RPSA2: variants seen among roughly 807,000 people sequenced by gnomAD.
The protein encoded by RPSA2 is ribosomal protein SA 2, also known as small ribosomal subunit protein uS2B.
the RPSA2 span, among the ~76,000 whole-genome samples, chr19:23,833,625 A>G: frequency 1.3e-5 from 2 of 152,158 alleles, no homozygotes; most frequent in African/African-American, 4.8e-5. Context: ...ATAAGCATTT[A>G]TACTTGAGAA....
At chr19:23,761,906 T>TCTCTCTCTCTCTCTCTCTC in the RPSA2 span, among the ~76,000 whole-genome samples, 297 of 92,120 alleles carry the variant, frequency 3.2e-3, 60 homozygotes, top group Non-Finnish European at 3.7e-3. Flanking sequence ...ACGTAATTCT[T>TCTCTCTCTCTCTCTCTCTC]TCTTTCTTTC....
chr19:23,781,525 G>C, the RPSA2 span, among the ~76,000 whole-genome samples: 3 of 151,308 alleles, frequency 2.0e-5, no homozygotes, highest in African/African-American at 7.3e-5. Context: ...TTTTAGTAGA[G>C]ATGGGGTTTC....
the RPSA2 span, chr19:23,808,676 A>C: frequency 1.8e-6 from 1 of 542,730 alleles, no homozygotes; most frequent in South Asian, 1.6e-5. Flanking sequence ...TGGTAATTGG[A>C]GAATATGAGC....
chr19:23,761,930 TTTTTTGAGATGGAG>T, the RPSA2 span, among the ~76,000 whole-genome samples: 16 of 127,386 alleles, frequency 1.3e-4, no homozygotes, highest in South Asian at 5.4e-4. Flanking sequence ...CTTTTTTTTT[TTTTTTGAGATGGAG>T]TCTTGCTCTA....
the RPSA2 span, among the ~76,000 whole-genome samples, chr19:23,852,828 A>T: frequency 6.6e-6 from 1 of 152,218 alleles, no homozygotes; most frequent in Non-Finnish European, 1.5e-5. Flanking sequence ...GTTTTCAAAG[A>T]ATCTCTCCTA....
chr19:23,791,282 G>C, the RPSA2 span, among the ~76,000 whole-genome samples: 1 of 152,164 alleles, frequency 6.6e-6, no homozygotes, highest in Non-Finnish European at 1.5e-5. Flanking sequence ...TTACAGGCAT[G>C]AGTCACTGCG....
chr19:23,827,115 C>T, the RPSA2 span: 127 of 752,428 alleles, frequency 1.7e-4, 2 homozygotes, highest in East Asian at 8.8e-4. Flanking sequence ...GGGGTCCATA[C>T]GGCGTTGTTC....
the RPSA2 span, among the ~76,000 whole-genome samples, chr19:23,775,844 T>A: frequency 6.6e-6 from 1 of 152,238 alleles, no homozygotes; most frequent in Non-Finnish European, 1.5e-5. Context: ...AGATCCAACA[T>A]ACAGGAGGTG....
the RPSA2 span, among the ~76,000 whole-genome samples, chr19:23,828,312 A>G: frequency 3.7e-5 from 4 of 109,236 alleles, no homozygotes; most frequent in Non-Finnish European, 5.6e-5. Context: ...TGCCTGCAGC[A>G]TTCTTTCTTT....
the RPSA2 span, among the ~76,000 whole-genome samples, chr19:23,778,596 C>T: frequency 6.6e-6 from 1 of 151,974 alleles, no homozygotes; most frequent in Non-Finnish European, 1.5e-5. Flanking sequence ...TATGACTTTC[C>T]TCTCCTGCCT....
chr19:23,800,058 T>C, the RPSA2 span, among the ~76,000 whole-genome samples: 1 of 145,248 alleles, frequency 6.9e-6, no homozygotes, highest in Non-Finnish European at 1.5e-5. Flanking sequence ...AGACAGAGTC[T>C]CGCTGTATTT....
At chr19:23,771,386 C>T in the RPSA2 span, among the ~76,000 whole-genome samples, 1 of 152,192 alleles carries the variant, frequency 6.6e-6, no homozygotes, top group African/African-American at 2.4e-5. Flanking sequence ...TTTTCATACA[C>T]AAATCCAGAC....
chr19:23,863,357 A>G, the RPSA2 span, among the ~76,000 whole-genome samples: 1 of 152,172 alleles, frequency 6.6e-6, no homozygotes, highest in South Asian at 2.1e-4. Context: ...TAAGGTCAAG[A>G]GTTCAAGACC....
At chr19:23,775,241 G>A in the RPSA2 span, among the ~76,000 whole-genome samples, 5 of 152,184 alleles carry the variant, frequency 3.3e-5, no homozygotes, top group African/African-American at 1.2e-4. Flanking sequence ...GCCTACTGGT[G>A]TGGTCTTAAA....
chr19:23,807,909 G>C, the RPSA2 span: 1 of 359,196 alleles, frequency 2.8e-6, no homozygotes, highest in Non-Finnish European at 5.6e-6. Flanking sequence ...AGAATTTATA[G>C]AGGAATGTTA....
the RPSA2 span, among the ~76,000 whole-genome samples, chr19:23,854,112 C>T: frequency 2.0e-5 from 3 of 151,524 alleles, no homozygotes; most frequent in Non-Finnish European, 4.4e-5. Flanking sequence ...AGTAATTGAG[C>T]AACTGACTCA....
the RPSA2 span, among the ~76,000 whole-genome samples, chr19:23,857,089 T>A: frequency 6.6e-6 from 1 of 152,282 alleles, no homozygotes; most frequent in East Asian, 1.9e-4. Context: ...ATTCCCAGAA[T>A]GGCCGTTTAT....
chr19:23,818,096 A>G, the RPSA2 span: 19 of 152,194 alleles, frequency 1.2e-4, no homozygotes, highest in Admixed American at 6.5e-4. Context: ...TTTATAAATG[A>G]CGTTTAATAG....
chr19:23,811,053 CTG>C, the RPSA2 span, among the ~76,000 whole-genome samples: 1 of 147,412 alleles, frequency 6.8e-6, no homozygotes, highest in African/African-American at 2.5e-5. Flanking sequence ...GTCACACAGA[CTG>C]GAGTGCAGTG....
Sources: gnomAD v4.1 joint callset for allele counts (sites outside exome capture counted in the v4.1 genomes callset) on GRCh38, gnomAD v4.1.1 for gene constraint, MANE v1.5 for transcripts, NCBI Gene and HGNC (gene_info 2026-07-23, HGNC 2026-07-21) for gene names.